KCNIP4: variants seen among roughly 807,000 people sequenced by gnomAD.
The protein encoded by KCNIP4 is Kv channel-interacting protein 4.
In KCNIP4, 12 loss-of-function variants were observed where a neutral mutation model predicts 34.0. That is an observed-to-expected ratio of 0.35 (90% CI 0.23 to 0.57). KCNIP4 has a LOEUF of 0.57. KCNIP4 is among the 20% of genes least tolerant of loss of function. KCNIP4 has a pLI of 0.83. For synonymous variants in KCNIP4, 124 were observed against 102.2 expected (o/e 1.21, Z -1.29); for missense variants, 238 against 311.7 (o/e 0.76, Z 1.78).
intron 1 of KCNIP4, among the ~76,000 whole-genome samples, chr4:21,336,083 A>C (rs1716149711): frequency 6.6e-6 from 1 of 152,266 alleles, no homozygotes; most frequent in Middle Eastern, 3.4e-3. Flanking sequence ...ATCGTATCAA[A>C]ATGGTATCAA....
At chr4:21,071,460 C>T (rs1261289023) in intron 1 of KCNIP4, among the ~76,000 whole-genome samples, 2 of 152,020 alleles carry the variant, frequency 1.3e-5, no homozygotes, top group African/African-American at 2.4e-5. Context: ...TGTCTTTCTG[C>T]CATACCACAC....
intron 1 of KCNIP4, among the ~76,000 whole-genome samples, chr4:21,569,792 G>A (rs1413740424): frequency 1.3e-5 from 2 of 151,948 alleles, no homozygotes; most frequent in African/African-American, 4.8e-5. Context: ...AGGCCAGCAG[G>A]GGAGAAAAAA....
intron 1 of KCNIP4, among the ~76,000 whole-genome samples, chr4:21,233,811 T>C: frequency 6.9e-6 from 1 of 144,252 alleles, no homozygotes; most frequent in Middle Eastern, 3.6e-3. Flanking sequence ...ATATAGTATA[T>C]AATATAATTA....
chr4:21,675,380 T>C (rs1749810888), intron 1 of KCNIP4, among the ~76,000 whole-genome samples: 1 of 152,090 alleles, frequency 6.6e-6, no homozygotes, highest in Admixed American at 6.6e-5. Flanking sequence ...TACTATTTGA[T>C]AGCACAATAG....
At chr4:21,025,795 C>T (rs1740511991) in intron 1 of KCNIP4, among the ~76,000 whole-genome samples, 1 of 152,024 alleles carries the variant, frequency 6.6e-6, no homozygotes, top group Non-Finnish European at 1.5e-5. Flanking sequence ...ACCAGGCTAT[C>T]TGCCTGCCTT....
intron 1 of KCNIP4, among the ~76,000 whole-genome samples, chr4:21,165,755 T>C (rs764854049): frequency 2.0e-5 from 3 of 152,274 alleles, no homozygotes; most frequent in Non-Finnish European, 2.9e-5. Context: ...ATATAGCTAA[T>C]ATGGGGGAGG....
intron 1 of KCNIP4, among the ~76,000 whole-genome samples, chr4:21,558,186 C>T (rs16871413): frequency 0.058 from 8,808 of 152,130 alleles, 555 homozygotes; most frequent in East Asian, 0.17. Context: ...AAGTATTATG[C>T]CTGTTACCTT....
Position 21,789,505 on chromosome 4 carries a change from AAAGT to A in KCNIP4, c.61+159062_61+159065del, listed in dbSNP as rs942378400. On this transcript the variant is annotated intron_variant, in intron 1 of 8. Coordinates refer to ENST00000382152, the MANE Select transcript of KCNIP4 (RefSeq NM_025221.6). The stretch of plus-strand genomic sequence containing the variant: ...TTTCAGTAAGCAGTTGGCTTCACAA[AAAGT>A]AAGTACTTCTTTTAAAAATCTAAAT... 3.9e-5 allele frequency among the ~76,000 whole-genome samples: 6 copies of A among 152,318 alleles called. No individual in the cohort carries two copies. The South Asian group carries it at 6.2e-4, about 16-fold the overall frequency.
chr4:21,771,295 T>C (rs753748736), intron 1 of KCNIP4, among the ~76,000 whole-genome samples: 2 of 152,194 alleles, frequency 1.3e-5, no homozygotes, highest in Non-Finnish European at 2.9e-5. Context: ...GCTTCATTGT[T>C]CTACATGTCT....
At chr4:21,665,309 T>C (rs2108997165) in intron 1 of KCNIP4, among the ~76,000 whole-genome samples, 1 of 152,294 alleles carries the variant, frequency 6.6e-6, no homozygotes, top group African/African-American at 2.4e-5. Context: ...CATGAACCTT[T>C]CTTTCTCTTT....
intron 1 of KCNIP4, among the ~76,000 whole-genome samples, chr4:21,711,370 G>T (rs2109076900): frequency 6.6e-6 from 1 of 152,250 alleles, no homozygotes. Context: ...TACTCAGGAG[G>T]CTGAGGCAGG....
chr4:21,102,482 G>A (rs991332788), intron 1 of KCNIP4, among the ~76,000 whole-genome samples: 5 of 152,078 alleles, frequency 3.3e-5, no homozygotes, highest in African/African-American at 9.7e-5. Flanking sequence ...AGCAGAGCTC[G>A]TCCCATTGAC....
intron 1 of KCNIP4, among the ~76,000 whole-genome samples, chr4:21,818,927 C>T (rs1007247739): frequency 1.3e-5 from 2 of 152,168 alleles, no homozygotes; most frequent in African/African-American, 4.8e-5. Context: ...GAACCAGTTT[C>T]ACATTGCAGC....
intron 1 of KCNIP4, among the ~76,000 whole-genome samples, chr4:21,914,495 C>G (rs2108987162): frequency 6.6e-6 from 1 of 152,242 alleles, no homozygotes; most frequent in Non-Finnish European, 1.5e-5. Context: ...CAGGCTCCTT[C>G]TCAGCTCATG....
chr4:21,462,461 C>A (rs1191759038), intron 1 of KCNIP4, among the ~76,000 whole-genome samples: 2 of 152,184 alleles, frequency 1.3e-5, no homozygotes, highest in Non-Finnish European at 2.9e-5. Context: ...ATGGGAAAGA[C>A]CTGCCCCCAT....
intron 1 of KCNIP4, among the ~76,000 whole-genome samples, chr4:21,283,763 C>T (rs1455736878): frequency 6.6e-6 from 1 of 151,210 alleles, no homozygotes; most frequent in Non-Finnish European, 1.5e-5. Context: ...AACAAGCCTG[C>T]ACCTTGTGCA....
At chr4:20,749,424 A>G (rs1753158712) in intron 5 of KCNIP4, among the ~76,000 whole-genome samples, 1 of 152,148 alleles carries the variant, frequency 6.6e-6, no homozygotes, top group African/African-American at 2.4e-5. Flanking sequence ...TTCACATGTA[A>G]TTGAAGAAGT....
chr4:20,992,219 A>C (rs1193153198), intron 1 of KCNIP4, among the ~76,000 whole-genome samples: 1 of 152,186 alleles, frequency 6.6e-6, no homozygotes, highest in Admixed American at 6.5e-5. Flanking sequence ...GGCCTCAGGA[A>C]ATTTACAATT....
intron 1 of KCNIP4, among the ~76,000 whole-genome samples, chr4:21,054,588 A>G (rs1743242538): frequency 6.6e-6 from 1 of 151,848 alleles, no homozygotes; most frequent in African/African-American, 2.4e-5. Flanking sequence ...ATAGTCCCAC[A>G]TAAATTAGTC....
Sources: gnomAD v4.1 joint callset for allele counts (sites outside exome capture counted in the v4.1 genomes callset) on GRCh38, gnomAD v4.1.1 for gene constraint, MANE v1.5 for transcripts, NCBI Gene and HGNC (gene_info 2026-07-23, HGNC 2026-07-21) for gene names.